The following GPM6A variants were observed in gnomAD, a reference collection of about 807,000 sequenced individuals.
GPM6A encodes neuronal membrane glycoprotein M6-a.
GPM6A carries 7 observed loss-of-function variants against 32.1 expected under a neutral mutation model. That is an observed-to-expected ratio of 0.22 (90% CI 0.12 to 0.41). The LOEUF is 0.41. GPM6A is among the 10% of genes least tolerant of loss of function. The probability of loss-of-function intolerance (pLI) is 1.00; values close to 1 mark genes in which losing one functional copy is unlikely to be tolerated. For synonymous variants in GPM6A, 130 were observed against 123.4 expected (o/e 1.05, Z -0.35); for missense variants, 235 against 347.2 (o/e 0.68, Z 2.57).
chr4:175,950,169 T>C (rs1739758990), intron 1 of GPM6A, among the ~76,000 whole-genome samples: 1 of 152,210 alleles, frequency 6.6e-6, no homozygotes, highest in Non-Finnish European at 1.5e-5. Flanking sequence ...TTCTACTGTA[T>C]TGTGATATTT....
chr4:175,887,578 G>C (rs1251844047), intron 1 of GPM6A, among the ~76,000 whole-genome samples: 2 of 151,634 alleles, frequency 1.3e-5, no homozygotes, highest in Non-Finnish European at 3.0e-5. Context: ...AAAAAATCAA[G>C]AATACGAGAA....
At chr4:175,831,758 C>T (rs182260740) in intron 1 of GPM6A, among the ~76,000 whole-genome samples, 1 of 41,450 alleles carries the variant, frequency 2.4e-5, no homozygotes, top group Non-Finnish European at 4.7e-5. Flanking sequence ...TCACTTTTGT[C>T]GCCCAGGCTG....
At chr4:175,927,912 A>T (rs1032788549) in intron 1 of GPM6A, among the ~76,000 whole-genome samples, 11 of 150,984 alleles carry the variant, frequency 7.3e-5, no homozygotes, top group Non-Finnish European at 1.6e-4. Flanking sequence ...TAAAGATATA[A>T]CTCATCTCAT....
chr4:175,690,466 G>A (rs1744233812), intron 2 of GPM6A, among the ~76,000 whole-genome samples: 1 of 152,190 alleles, frequency 6.6e-6, no homozygotes, highest in Non-Finnish European at 1.5e-5. Flanking sequence ...CTGGAGGTCA[G>A]AAGTTTGAAA....
chr4:175,878,258 G>A (rs1737149923), intron 1 of GPM6A, among the ~76,000 whole-genome samples: 1 of 152,138 alleles, frequency 6.6e-6, no homozygotes, highest in African/African-American at 2.4e-5. Context: ...GAGGATAGTG[G>A]CCCTCTTCTC....
intron 1 of GPM6A, among the ~76,000 whole-genome samples, chr4:175,776,484 A>C (rs1186371134): frequency 6.6e-5 from 10 of 152,126 alleles, no homozygotes; most frequent in Non-Finnish European, 1.5e-4. Flanking sequence ...AGCTGCTGCC[A>C]AAAAAGTCAG....
At chr4:175,914,391 G>A (rs144409227) in intron 1 of GPM6A, among the ~76,000 whole-genome samples, 15 of 151,736 alleles carry the variant, frequency 9.9e-5, no homozygotes, top group Middle Eastern at 3.4e-3. Context: ...GTGTGATCTC[G>A]GCTCACTGCA....
chr4:175,849,775 A>G (rs987672494), intron 1 of GPM6A, among the ~76,000 whole-genome samples: 7 of 152,202 alleles, frequency 4.6e-5, no homozygotes, highest in Admixed American at 4.6e-4. Context: ...AGAAATATTT[A>G]TAGTAAAACA....
intron 1 of GPM6A, among the ~76,000 whole-genome samples, chr4:175,968,706 C>T (rs1012905912): frequency 6.6e-6 from 1 of 152,018 alleles, no homozygotes; most frequent in Non-Finnish European, 1.5e-5. Flanking sequence ...ATTTAAACAA[C>T]TGAAGGATAA....
chr4:175,982,303 A>G (rs1038682975), intron 1 of GPM6A, among the ~76,000 whole-genome samples: 1 of 152,098 alleles, frequency 6.6e-6, no homozygotes, highest in Non-Finnish European at 1.5e-5. Flanking sequence ...TGTTTGTCCT[A>G]GGAAATATTT....
intron 4 of GPM6A, among the ~76,000 whole-genome samples, chr4:175,648,340 A>G (rs1360291900): frequency 1.3e-5 from 2 of 152,162 alleles, no homozygotes; most frequent in African/African-American, 4.8e-5. Flanking sequence ...CGGAACTTGT[A>G]CCTGTGTTGG....
chr4:175,659,057 T>A (rs1168577819), intron 3 of GPM6A, among the ~76,000 whole-genome samples: 1 of 151,758 alleles, frequency 6.6e-6, no homozygotes, highest in African/African-American at 2.4e-5. Flanking sequence ...TCCTGTCATA[T>A]GAGATAAATT....
chr4:175,856,989 G>A (rs1424476784), intron 1 of GPM6A, among the ~76,000 whole-genome samples: 1 of 152,088 alleles, frequency 6.6e-6, no homozygotes, highest in African/African-American at 2.4e-5. Flanking sequence ...AGGCTTGTGG[G>A]TGGAGCCCTC....
intron 1 of GPM6A, among the ~76,000 whole-genome samples, chr4:175,758,420 C>T (rs776877900): frequency 6.6e-6 from 1 of 152,088 alleles, no homozygotes; most frequent in Non-Finnish European, 1.5e-5. Context: ...TGATGAAAGT[C>T]GTAAGTTTAG....
intron 1 of GPM6A, among the ~76,000 whole-genome samples, chr4:175,915,752 G>A (rs1738474312): frequency 6.6e-6 from 1 of 152,002 alleles, no homozygotes; most frequent in Non-Finnish European, 1.5e-5. Context: ...CAGGGTATGG[G>A]GAAAAAAAGG....
chr4:175,793,988 T>G (rs1734113931), intron 1 of GPM6A, among the ~76,000 whole-genome samples: 1 of 151,844 alleles, frequency 6.6e-6, no homozygotes, highest in Non-Finnish European at 1.5e-5. Flanking sequence ...TTATGTCATC[T>G]TGATTTGGAT....
At chr4:175,762,494 G>T (rs142083911) in intron 1 of GPM6A, among the ~76,000 whole-genome samples, 5 of 151,982 alleles carry the variant, frequency 3.3e-5, no homozygotes, top group African/African-American at 9.7e-5. Flanking sequence ...GTCTTTTATC[G>T]AGTATTGCTA....
intron 1 of GPM6A, chr4:175,790,388 T>C (rs1343271598): frequency 6.6e-6 from 1 of 152,210 alleles, no homozygotes; most frequent in African/African-American, 2.4e-5. Flanking sequence ...TAATGAGATT[T>C]CCTGAGACTG....
chr4:175,897,375 T>C (rs1043178075), intron 1 of GPM6A, among the ~76,000 whole-genome samples: 3 of 152,160 alleles, frequency 2.0e-5, no homozygotes, highest in Non-Finnish European at 2.9e-5. Context: ...CTCCCATTGA[T>C]GGAATAATCC....
Sources: allele counts gnomAD v4.1 joint callset (sites outside exome capture counted in the v4.1 genomes callset), GRCh38; gene constraint gnomAD v4.1.1; transcripts MANE v1.5; gene names NCBI Gene and HGNC (gene_info 2026-07-23, HGNC 2026-07-21).